The following ATP2A1 variants were observed in gnomAD, a reference collection of about 807,000 sequenced individuals.
The protein encoded by ATP2A1 is ATPase sarcoplasmic/endoplasmic reticulum Ca2+ transporting 1.
ATP2A1 carries 83 observed loss-of-function variants against 109.5 expected under a neutral mutation model. The observed-to-expected ratio is 0.76, with a 90% CI of 0.63 to 0.91. ATP2A1 has a LOEUF of 0.91. Ranked by LOEUF, ATP2A1 falls within the 40% of genes least tolerant of loss-of-function variation. The pLI, the probability that ATP2A1 is intolerant of heterozygous loss-of-function variation, is 0.00. For synonymous variants in ATP2A1, 505 were observed against 537.6 expected (o/e 0.94, Z 0.84); for missense variants, 1,101 against 1,341.0 (o/e 0.82, Z 2.80).
Position 28,878,542 on chromosome 16 carries a change from T to A in ATP2A1, c.-130T>A. 1 of 835,602 alleles carries A rather than the reference T, an allele frequency of 1.2e-6. No individual in the cohort carries two copies. The highest frequency in any genetic ancestry group is 2.0e-6 in the Non-Finnish European group (1 of 506,834). The allele number at this position is 835,602 out of a possible 1,614,324, so 51.8% of individuals were successfully genotyped here. A position where few individuals can be genotyped will look rare whatever the true frequency, so the allele number is the denominator to read the frequency against. ...GAGCTTTGTGGAGGGAAGAAAAACC[T>A]GGAGGGGGCAGGAGAGTAAAAAGAA... On this transcript the variant is annotated 5_prime_UTR_variant, in exon 1 of 23. Coordinates refer to ENST00000395503, the MANE Select transcript of ATP2A1 (RefSeq NM_004320.6).
At chr16:28,891,638 T>G (rs1287474783) in intron 9 of ATP2A1, among the ~76,000 whole-genome samples, 1 of 133,954 alleles carries the variant, frequency 7.5e-6, no homozygotes, top group Non-Finnish European at 1.6e-5. Flanking sequence ...ACACCTGTAA[T>G]CCTAGCACTT....
Position 28,900,841 on chromosome 16 carries a change from C to A in ATP2A1, c.2025C>A (p.Cys675Ter), listed in dbSNP as rs121918114. 1.3e-5 allele frequency: 21 copies of A among 1,614,208 alleles called. No individual in the cohort carries two copies. The highest frequency in any genetic ancestry group is 1.6e-5 in the Non-Finnish European group (19 of 1,180,040). The change falls in exon 15 of 23, where the codon TGC becomes TGA. Residue 675 changes from cysteine (C) to a stop codon, truncating the protein, a stop_gained. Transcript: ENST00000395503. LOFTEE classifies it high-confidence loss of function. ...EQREACRRACCFARVEPSHKS... is the reference protein window; with the variant it reads ...EQREACRRAC ...GGGAAGCCTGCCGACGTGCCTGCTG[C>A]TTCGCCCGTGTGGAGCCCTCGCACA...
chr16:28,894,794 C>T (rs1245072131), intron 11 of ATP2A1, 28 bp from the exon 12 acceptor site: 1 of 1,610,218 alleles, frequency 6.2e-7, no homozygotes, highest in African/African-American at 1.3e-5. Context: ...GGGGCACCGA[C>T]TTCCTCTTCC....
Position 28,903,203 on chromosome 16 carries a change from G to A in ATP2A1, c.2862+56G>A, listed in dbSNP as rs1964139736. 11 of 1,599,632 alleles carry A rather than the reference G, an allele frequency of 6.9e-6. No individual in the cohort carries two copies. Among genetic ancestry groups the A allele is most frequent in the Non-Finnish European group, 9.4e-6 (11 of 1,168,182 alleles). On this transcript the variant is annotated intron_variant, in intron 20 of 22. Coordinates refer to ENST00000395503, the MANE Select transcript of ATP2A1 (RefSeq NM_004320.6). The surrounding 1 kb of genome is among the most constrained non-coding windows in gnomAD (Gnocchi z 5.6). ...CCCAGCACTGGGGAGCCCACGGCGG[G>A]CCCATGACCACTCCCACCAGGGGCG...
chr16:28,890,965 G>A (rs963051532), intron 9 of ATP2A1, among the ~76,000 whole-genome samples: 7 of 151,746 alleles, frequency 4.6e-5, no homozygotes, highest in African/African-American at 1.7e-4. Context: ...GGGATTACAG[G>A]AGTGAGCCAC....
intron 9 of ATP2A1, among the ~76,000 whole-genome samples, chr16:28,891,386 G>A (rs1409251110): frequency 1.3e-5 from 2 of 151,750 alleles, no homozygotes; most frequent in South Asian, 2.1e-4. Context: ...CCTGAGGTCA[G>A]GAGTTCGAGA....
chr16:28,878,886 T>C (rs887934469), intron 1 of ATP2A1, 97 bp downstream of exon 1: 3 of 1,440,398 alleles, frequency 2.1e-6, no homozygotes, highest in Non-Finnish European at 2.9e-6. Context: ...TCAGGGTTTC[T>C]TAAGGAAGAG....
In ATP2A1 at chr16:28,887,989, T is replaced by G. The variant is rs139579034; in HGVS notation, c.928+267T>G. ...CTAATTTTTTTATATTTTTAGTAGA[T>G]ACGGGGTTTCACCGTGTTAGCCAGG... On this transcript the variant is annotated intron_variant, in intron 8 of 22. Coordinates refer to ENST00000395503, the MANE Select transcript of ATP2A1 (RefSeq NM_004320.6). Among the ~76,000 whole-genome samples the G allele has an allele frequency of 0.013, 1,930 of 151,756 alleles. 20 individuals are homozygous for G. The highest frequency in any genetic ancestry group is 0.029 in the African/African-American group (1,217 of 41,354).
At chr16:28,882,081 C>T (rs1437934724) in intron 4 of ATP2A1, among the ~76,000 whole-genome samples, 5 of 141,240 alleles carry the variant, frequency 3.5e-5, no homozygotes, top group South Asian at 4.8e-4. Context: ...GGATTACAGG[C>T]GCGTGCTACT....
In ATP2A1 at chr16:28,902,867, C is replaced by T. The variant is rs573021883; in HGVS notation, c.2700C>T (p.Ala900=). The T allele has an allele frequency of 1.2e-5, 19 of 1,614,010 alleles. No homozygotes were observed. In the East Asian group the frequency reaches 3.8e-4, roughly 32 times the overall value. The change falls in exon 19 of 23, where the codon GCC becomes GCT. Residue 900 remains alanine, a synonymous_variant. Transcript: ENST00000395503. This position sits in a 1 kb window ranked among gnomAD's most constrained non-coding sequence, Gnocchi z 4.8. The stretch of plus-strand genomic sequence containing the variant: ...AGGCCCCCGAGCCCATGACCATGGC[C>T]CTGTCCGTGCTGGTGACCATCGAGA... The part of the protein sequence containing the change: ...VFEAPEPMTM[A]LSVLVTIEMC...
chr16:28,884,483 AG>A, intron 5 of ATP2A1, 91 bp from the exon 6 acceptor site: 2 of 1,244,266 alleles, frequency 1.6e-6, no homozygotes, highest in Non-Finnish European at 2.3e-6. Context: ...AGGATGGATG[AG>A]GAGAACGAGT....
At chr16:28,890,878 G>A (rs1013747905) in intron 9 of ATP2A1, among the ~76,000 whole-genome samples, 1 of 151,938 alleles carries the variant, frequency 6.6e-6, no homozygotes, top group African/African-American at 2.4e-5. Flanking sequence ...TACAGATGGG[G>A]TTTCGCCATG....
At chr16:28,886,875 G>A (rs1963626260) in intron 6 of ATP2A1, among the ~76,000 whole-genome samples, 1 of 151,358 alleles carries the variant, frequency 6.6e-6, no homozygotes, top group Non-Finnish European at 1.5e-5. Context: ...GCATGTGCCT[G>A]TAATCCCAGC....
In ATP2A1 at chr16:28,891,188, A is replaced by G. The variant is rs369990901; in HGVS notation, c.1095+2235A>G. Among the ~76,000 whole-genome samples, 792 of 151,766 alleles carry G rather than the reference A, an allele frequency of 5.2e-3. 73 individuals carry two copies. The South Asian group carries it at 0.16, about 31-fold the overall frequency. The stretch of plus-strand genomic sequence containing the variant: ...GCAGATGCCTGTAGTCCTAGCTACT[A>G]AGGAGGCTGAGGCAGGAGAATCACT... On this transcript the variant is annotated intron_variant, in intron 9 of 22. Transcript: ENST00000395503.
At chr16:28,888,693 AC>A in intron 8 of ATP2A1, 93 bp from the exon 9 acceptor site, 2 of 1,451,422 alleles carry the variant, frequency 1.4e-6, no homozygotes, top group Non-Finnish European at 1.9e-6. Flanking sequence ...GTGTGCACCA[AC>A]GTGCCCAGCT....
intron 1 of ATP2A1, 72 bp downstream of exon 1, chr16:28,878,861 C>A: frequency 6.7e-7 from 1 of 1,497,166 alleles, no homozygotes; most frequent in Non-Finnish European, 9.3e-7. Context: ...CACACGCATG[C>A]ACGCGTTTCT....
chr16:28,894,336 T>A, intron 10 of ATP2A1, 93 bp downstream of exon 10: 1 of 1,379,282 alleles, frequency 7.3e-7, no homozygotes, highest in Non-Finnish European at 1.0e-6. Context: ...TGCTCTCCTT[T>A]CACTCTCCTC....
At position 28,880,501 on chromosome 16, in the gene ATP2A1, C is replaced by T. The variant is rs1345626595; in HGVS notation, c.220-414C>T. Among the ~76,000 whole-genome samples the T allele has an allele frequency of 6.6e-6, 1 of 152,260 alleles. No individual in the cohort carries two copies. Among genetic ancestry groups the T allele is most frequent in the Non-Finnish European group, 1.5e-5 (1 of 68,050 alleles). The stretch of plus-strand genomic sequence containing the variant: ...CGGCTCCCTCGTGAAACCGGAGCTT[C>T]CCTGCCTTGGCCGAGGGGGAGGGCT... On this transcript the variant is annotated intron_variant, in intron 3 of 22. Transcript: ENST00000395503. This position sits in a 1 kb window ranked among gnomAD's most constrained non-coding sequence, Gnocchi z 4.2.
Position 28,897,869 on chromosome 16 carries a change from A to T in ATP2A1, c.1420-131A>T. 4.0e-6 allele frequency: 5 copies of T among 1,244,536 alleles called. No homozygotes were observed. The South Asian group carries it at 6.0e-5, about 15-fold the overall frequency. 77.1% of individuals were successfully genotyped at this position (1,244,536 alleles called of 1,614,324 possible). A position where few individuals can be genotyped will look rare whatever the true frequency, so the allele number is the denominator to read the frequency against. On this transcript the variant is annotated intron_variant, in intron 12 of 22. Transcript: ENST00000395503. The stretch of plus-strand genomic sequence containing the variant: ...GCACTGTGGCAACACTAGCCTTGGG[A>T]TTTTCTCCTTTTGTGCTATAGGGAC...
Sources: allele counts gnomAD v4.1 joint callset (sites outside exome capture counted in the v4.1 genomes callset), GRCh38; gene constraint gnomAD v4.1.1; non-coding constraint Gnocchi (gnomAD v3.1); transcripts MANE v1.5; gene names NCBI Gene and HGNC (gene_info 2026-07-23, HGNC 2026-07-21).